The following TES variants were observed in gnomAD, a reference collection of about 807,000 sequenced individuals.
TES encodes the protein testin.
Under a neutral mutation model 48.2 loss-of-function variants are expected in TES, and 41 were observed. The observed-to-expected ratio is 0.85, with a 90% confidence interval of 0.66 to 1.10. The LOEUF (loss-of-function observed/expected upper bound fraction) is 1.10, where lower values mean the gene tolerates loss of function less well. Among genes scored for constraint, TES ranks in the 50% least tolerant of loss-of-function variants. The pLI, the probability that TES is intolerant of heterozygous loss-of-function variation, is 0.00. For missense variants in TES, 463 were observed against 515.1 expected (o/e 0.90, Z 0.98); for synonymous variants, 162 against 174.9 (o/e 0.93, Z 0.58).
intron 2 of TES, 40 bp from the exon 3 acceptor site, chr7:116,248,980 G>A (rs1337341257): frequency 6.6e-7 from 1 of 1,510,950 alleles, no homozygotes; most frequent in Non-Finnish European, 8.9e-7. Flanking sequence ...ATATCAATTA[G>A]GTACAATTAA....
intron 1 of TES, among the ~76,000 whole-genome samples, chr7:116,217,501 A>G (rs1319001915): frequency 6.6e-6 from 1 of 152,134 alleles, no homozygotes; most frequent in Admixed American, 6.6e-5. Flanking sequence ...TTATGATTTT[A>G]AAAGAATTGT....
chr7:116,245,619 G>C (rs1029253240), intron 2 of TES, among the ~76,000 whole-genome samples: 1 of 152,108 alleles, frequency 6.6e-6, no homozygotes, highest in Admixed American at 6.5e-5. Context: ...CCTCCAGACT[G>C]TTCTAACCTC....
intron 2 of TES, among the ~76,000 whole-genome samples, chr7:116,244,982 C>T (rs1024534872): frequency 6.6e-6 from 1 of 152,152 alleles, no homozygotes; most frequent in African/African-American, 2.4e-5. Flanking sequence ...GGATGCAGGG[C>T]AGCATGTCCC....
chr7:116,211,995 C>A (rs1799444198), intron 1 of TES, among the ~76,000 whole-genome samples: 1 of 152,164 alleles, frequency 6.6e-6, no homozygotes, highest in South Asian at 2.1e-4. Flanking sequence ...GCATTCTATT[C>A]TCTTCCCATT....
Position 116,210,744 on chromosome 7 carries a change from C to A in TES, c.27+10C>A, listed in dbSNP as rs560347342. 3.2e-6 allele frequency: 4 copies of A among 1,242,380 alleles called. No homozygotes were observed. The highest frequency in any genetic ancestry group is 7.9e-5 in the South Asian group (2 of 25,206). The allele number at this position is 1,242,380 out of a possible 1,614,324, so 77.0% of individuals were successfully genotyped here. On this transcript the variant is annotated intron_variant, in intron 1 of 6. Transcript: ENST00000358204. The stretch of plus-strand genomic sequence containing the variant: ...AAACAAAGTGAAGAAGGTAGGGGGG[C>A]GCTCGTGGCGGGCGGCGGCTGCTTC...
chr7:116,238,634 C>T (rs1252739344), intron 2 of TES, among the ~76,000 whole-genome samples: 2 of 137,208 alleles, frequency 1.5e-5, no homozygotes, highest in African/African-American at 5.5e-5. Context: ...GGGGTTTCAC[C>T]CTTGTTGCCC....
chr7:116,227,617 C>T (rs1384102628), intron 1 of TES, among the ~76,000 whole-genome samples: 1 of 152,034 alleles, frequency 6.6e-6, no homozygotes. Flanking sequence ...GTTCCTTTGT[C>T]CAGAATATTT....
chr7:116,228,021 T>G (rs201662486), intron 1 of TES, among the ~76,000 whole-genome samples: 24 of 139,300 alleles, frequency 1.7e-4, no homozygotes, highest in East Asian at 2.5e-4. Flanking sequence ...TTTTTTTTTT[T>G]GTTTTTTTTT....
At chr7:116,240,619 A>G (rs984308567) in intron 2 of TES, among the ~76,000 whole-genome samples, 1 of 152,128 alleles carries the variant, frequency 6.6e-6, no homozygotes, top group African/African-American at 2.4e-5. Flanking sequence ...CAATCTGCCA[A>G]TCCACCTTTG....
rs1563015608 is a variant in TES at position 116,252,463 on chromosome 7, A to G, written c.1064A>G (p.Lys355Arg). 2 of 1,614,206 alleles carry G rather than the reference A, an allele frequency of 1.2e-6. No individual in the cohort carries two copies. Among genetic ancestry groups the G allele is most frequent in the East Asian group, 2.2e-5 (1 of 44,872 alleles). ...CCCGTGTGCAAGCCCTGCTATGTGA[A>G]GAATCACGCTGTGGTGAGAAGTGTT... is the stretch of plus-strand genomic sequence containing the variant. ...DKPVCKPCYV[K>R]NHAVVCQGCH... Residue 355 changes from lysine to arginine, a missense_variant, in exon 6 of 7, where the codon AAG (lysine) becomes AGG (arginine). Physicochemically the swap from Lys to Arg is conservative, Grantham distance 26. Transcript: ENST00000358204.
chr7:116,254,917 A>G (rs1800074698), intron 6 of TES, among the ~76,000 whole-genome samples: 1 of 152,048 alleles, frequency 6.6e-6, no homozygotes, highest in South Asian at 2.1e-4. Flanking sequence ...AAAGAGAGCT[A>G]CCCACACAGC....
At chr7:116,252,143 G>T (rs958968152) in intron 5 of TES, among the ~76,000 whole-genome samples, 168 bp downstream of exon 5, 1 of 152,132 alleles carries the variant, frequency 6.6e-6, no homozygotes, top group African/African-American at 2.4e-5. Flanking sequence ...TGTTAATTGG[G>T]TTGACAAATG....
At position 116,258,409 on chromosome 7, in the gene TES, AC is replaced by A. The variant is rs753548977; in HGVS notation, c.*930del. 14 of 152,598 alleles carry A rather than the reference AC, an allele frequency of 9.2e-5. No homozygotes were observed. The highest frequency in any genetic ancestry group is 1.9e-4 in the Non-Finnish European group (13 of 67,988). 9.5% of individuals were successfully genotyped at this position (152,598 alleles called of 1,614,324 possible). On this transcript the variant is annotated 3_prime_UTR_variant, in exon 7 of 7. Transcript: ENST00000358204. The stretch of plus-strand genomic sequence containing the variant: ...ACAGGTGTGGGAGCCACCATGCCTG[AC>A]CCACACACTTTTTACTTGTATAGAT...
At chr7:116,237,286 T>C (rs1349865373) in intron 2 of TES, among the ~76,000 whole-genome samples, 3 of 152,292 alleles carry the variant, frequency 2.0e-5, no homozygotes, top group Admixed American at 1.3e-4. Flanking sequence ...AGTTAAATTA[T>C]TCTCTACCTC....
At position 116,210,660 on chromosome 7, in the gene TES, C is replaced by G. The variant is rs1799424132; in HGVS notation, c.-48C>G. On this transcript the variant is annotated 5_prime_UTR_variant, in exon 1 of 7. Transcript: ENST00000358204. ...GAGCCGGAGGCCAGCTGAACCCGGC[C>G]GTGGGATCCCGGATAGGAGGAGGAG... The G allele has an allele frequency of 2.3e-6, 3 of 1,300,612 alleles. No homozygotes were observed. The highest frequency in any genetic ancestry group is 3.0e-6 in the Non-Finnish European group (3 of 1,013,430). 80.6% of individuals were successfully genotyped at this position (1,300,612 alleles called of 1,614,324 possible). A position where few individuals can be genotyped will look rare whatever the true frequency, so the allele number is the denominator to read the frequency against.
intron 2 of TES, among the ~76,000 whole-genome samples, chr7:116,245,038 A>G (rs536918852): frequency 1.3e-5 from 2 of 152,028 alleles, no homozygotes; most frequent in Admixed American, 1.3e-4. Context: ...CCACGACAGC[A>G]TTTTTCCCTC....
rs116072359 is a variant in TES, at chr7:116,246,553, C to A, written c.114-2467C>A. On this transcript the variant is annotated intron_variant, in intron 2 of 6. Transcript: ENST00000358204. ...TTCATGCCTACCTCTCCAGTCTTAT[C>A]ACCCTCCTATTGACTCATCTTCCTA... Among the ~76,000 whole-genome samples, 1,209 of 152,352 alleles carry A rather than the reference C, an allele frequency of 7.9e-3. 15 individuals carry two copies. The highest frequency in any genetic ancestry group is 0.027 in the African/African-American group (1,139 of 41,586).
chr7:116,257,490 G>C lies in TES; in HGVS notation c.*8G>C. On this transcript the variant is annotated 3_prime_UTR_variant, in exon 7 of 7. Coordinates refer to ENST00000358204, the MANE Select transcript of TES (RefSeq NM_015641.4). The stretch of plus-strand genomic sequence containing the variant: ...AAGAAGAGGATGTCTTAGGAGGAGG[G>C]CACCCAGAAGTATCGAGCCATAGCT... 1 of 1,592,744 alleles carries C rather than the reference G, an allele frequency of 6.3e-7. No individual in the cohort carries two copies. The highest frequency in any genetic ancestry group is 1.3e-5 in the African/African-American group (1 of 74,468).
intron 6 of TES, 83 bp downstream of exon 6, chr7:116,252,559 G>A: frequency 6.2e-7 from 1 of 1,602,118 alleles, no homozygotes; most frequent in Admixed American, 1.7e-5. Context: ...CTTACAAATG[G>A]GAAACAGAAA....
Sources: gnomAD v4.1 joint callset for allele counts (sites outside exome capture counted in the v4.1 genomes callset) on GRCh38, gnomAD v4.1.1 for gene constraint, MANE v1.5 for transcripts, NCBI Gene and HGNC (gene_info 2026-07-23, HGNC 2026-07-21) for gene names.